PLXDC2: variants seen among roughly 807,000 people sequenced by gnomAD.
The protein encoded by PLXDC2 is plexin domain containing 2.
In PLXDC2, 40 loss-of-function variants were observed where a neutral mutation model predicts 68.9. That is an observed-to-expected ratio of 0.58 (90% CI 0.45 to 0.76). The LOEUF (loss-of-function observed/expected upper bound fraction) is 0.76. Ranked by LOEUF, PLXDC2 falls within the 30% of genes least tolerant of loss-of-function variation. The probability of loss-of-function intolerance (pLI) is 0.00; values close to 1 mark genes in which losing one functional copy is unlikely to be tolerated. For synonymous variants in PLXDC2, 243 were observed against 234.2 expected (o/e 1.04, Z -0.34); for missense variants, 644 against 661.9 (o/e 0.97, Z 0.30).
intron 1 of PLXDC2, among the ~76,000 whole-genome samples, chr10:19,843,508 A>G (rs1290609890): frequency 1.3e-5 from 2 of 152,196 alleles, no homozygotes; most frequent in Non-Finnish European, 2.9e-5. Context: ...AGAAAAATAA[A>G]CATTAGAAAA....
At chr10:19,849,021 T>C (rs1450578792) in intron 1 of PLXDC2, among the ~76,000 whole-genome samples, 2 of 152,222 alleles carry the variant, frequency 1.3e-5, no homozygotes, top group African/African-American at 4.8e-5. Flanking sequence ...GTGTCACATA[T>C]ATTTAGGAAA....
At chr10:20,098,152 T>G (rs1319769194) in intron 4 of PLXDC2, among the ~76,000 whole-genome samples, 1 of 152,036 alleles carries the variant, frequency 6.6e-6, no homozygotes, top group Non-Finnish European at 1.5e-5. Context: ...CTCTCACAGT[T>G]CTGGAGGCCA....
At chr10:20,022,843 T>C (rs781257609) in intron 2 of PLXDC2, among the ~76,000 whole-genome samples, 57 of 152,060 alleles carry the variant, frequency 3.7e-4, no homozygotes, top group Non-Finnish European at 7.1e-4. Flanking sequence ...CTTGCAACTT[T>C]CCTAGAGTTT....
intron 9 of PLXDC2, among the ~76,000 whole-genome samples, chr10:20,197,727 C>T (rs1168854302): frequency 3.3e-5 from 5 of 150,306 alleles, no homozygotes; most frequent in African/African-American, 1.2e-4. Flanking sequence ...GGTGTGATCT[C>T]GGCTCACTGC....
chr10:20,102,350 ATCTG>A (rs924483642), intron 4 of PLXDC2, among the ~76,000 whole-genome samples: 8 of 152,152 alleles, frequency 5.3e-5, no homozygotes, highest in Non-Finnish European at 1.0e-4. Context: ...AATTATCGTT[ATCTG>A]TCTGAGGGTA....
chr10:19,819,598 T>C (rs1457424442), intron 1 of PLXDC2, among the ~76,000 whole-genome samples: 1 of 152,254 alleles, frequency 6.6e-6, no homozygotes, highest in Non-Finnish European at 1.5e-5. Context: ...TATTATGCGT[T>C]ACTTTAGTAA....
At chr10:20,004,587 C>T (rs773397482) in intron 2 of PLXDC2, among the ~76,000 whole-genome samples, 11 of 152,164 alleles carry the variant, frequency 7.2e-5, no homozygotes, top group Non-Finnish European at 1.0e-4. Context: ...GACTTTGCCA[C>T]GACAAAATGC....
intron 5 of PLXDC2, among the ~76,000 whole-genome samples, chr10:20,144,298 CA>C (rs1290962096): frequency 2.0e-5 from 3 of 152,038 alleles, no homozygotes; most frequent in African/African-American, 7.2e-5. Flanking sequence ...TTCTGATGAT[CA>C]AGGAAGAAAT....
intron 9 of PLXDC2, among the ~76,000 whole-genome samples, chr10:20,182,566 T>G (rs1834620710): frequency 6.6e-6 from 1 of 152,024 alleles, no homozygotes; most frequent in African/African-American, 2.4e-5. Context: ...AATATTCATG[T>G]ACAACTATTT....
intron 1 of PLXDC2, among the ~76,000 whole-genome samples, chr10:19,928,375 G>A (rs1183650401): frequency 6.6e-6 from 1 of 152,160 alleles, no homozygotes; most frequent in Admixed American, 6.6e-5. Flanking sequence ...ACTAATGATG[G>A]ACACAATATA....
chr10:19,959,227 C>T (rs555504447), intron 1 of PLXDC2, among the ~76,000 whole-genome samples: 2 of 152,188 alleles, frequency 1.3e-5, no homozygotes, highest in East Asian at 1.9e-4. Context: ...TAAAATCTTA[C>T]AAAACTGTTG....
chr10:20,056,425 G>A (rs999820251), intron 3 of PLXDC2, among the ~76,000 whole-genome samples: 4 of 152,148 alleles, frequency 2.6e-5, no homozygotes, highest in East Asian at 1.9e-4. Flanking sequence ...CTGTCCTGCC[G>A]ATGGCACTCA....
At chr10:19,839,068 G>A (rs1836854637) in intron 1 of PLXDC2, among the ~76,000 whole-genome samples, 1 of 151,750 alleles carries the variant, frequency 6.6e-6, no homozygotes, top group Non-Finnish European at 1.5e-5. Context: ...TGCCTGTAAT[G>A]CCAGCTACTC....
At chr10:19,955,494 A>C (rs1834055435) in intron 1 of PLXDC2, among the ~76,000 whole-genome samples, 1 of 152,254 alleles carries the variant, frequency 6.6e-6, no homozygotes, top group Admixed American at 6.5e-5. Context: ...AGGCAGAGAA[A>C]GCTCATGGTC....
At chr10:20,098,652 T>G (rs994911675) in intron 4 of PLXDC2, among the ~76,000 whole-genome samples, 36 of 152,194 alleles carry the variant, frequency 2.4e-4, no homozygotes, top group African/African-American at 8.4e-4. Flanking sequence ...TTCCTGCCAA[T>G]AGCATCCTGA....
chr10:20,192,069 A>G (rs1312217947), intron 9 of PLXDC2, among the ~76,000 whole-genome samples: 1 of 152,074 alleles, frequency 6.6e-6, no homozygotes, highest in East Asian at 1.9e-4. Context: ...TTATAAATTA[A>G]GTAAATGAGA....
At chr10:20,141,663 C>A (rs945437166) in intron 4 of PLXDC2, among the ~76,000 whole-genome samples, 10 of 151,532 alleles carry the variant, frequency 6.6e-5, no homozygotes, top group Admixed American at 6.6e-5. Context: ...AAATAGAGAC[C>A]CTGGAAAAGA....
chr10:19,852,425 CAAAAAAAAAAAAAAAAAAAAAA>C (rs61430454), intron 1 of PLXDC2, among the ~76,000 whole-genome samples: 14 of 61,936 alleles, frequency 2.3e-4, no homozygotes, highest in South Asian at 6.4e-4. Flanking sequence ...GACCCTGTCT[CAAAAAAAAAAAAAAAAAAAAAA>C]AAAAAAAAAA....
intron 1 of PLXDC2, among the ~76,000 whole-genome samples, chr10:19,838,541 T>G (rs1261128857): frequency 1.3e-5 from 2 of 152,180 alleles, no homozygotes; most frequent in African/African-American, 4.8e-5. Flanking sequence ...GAAATGCTTT[T>G]GAAAAGTGTG....
Sources: allele counts gnomAD v4.1 joint callset (sites outside exome capture counted in the v4.1 genomes callset), GRCh38; gene constraint gnomAD v4.1.1; transcripts MANE v1.5; gene names NCBI Gene and HGNC (gene_info 2026-07-23, HGNC 2026-07-21).